ACADSB: variants seen among roughly 807,000 people sequenced by gnomAD.
ACADSB encodes the protein acyl-CoA dehydrogenase short/branched chain.
In ACADSB, 40 loss-of-function variants were observed where a neutral mutation model predicts 54.1. That is an observed-to-expected ratio of 0.74 (90% CI 0.57 to 0.96). ACADSB has a LOEUF of 0.96. Among genes scored for constraint, ACADSB ranks in the 40% least tolerant of loss-of-function variants. The pLI, the probability that ACADSB is intolerant of heterozygous loss-of-function variation, is 0.00. For missense variants in ACADSB, 530 were observed against 510.4 expected (o/e 1.04, Z -0.37); for synonymous variants, 182 against 182.8 (o/e 1.00, Z 0.03).
intron 10 of ACADSB, among the ~76,000 whole-genome samples, 165 bp from the exon 11 acceptor site, chr10:123,053,530 T>C (rs1171642408): frequency 1.3e-5 from 2 of 152,190 alleles, no homozygotes; most frequent in East Asian, 3.8e-4. Flanking sequence ...AAAATTGTCA[T>C]CTCTTAGTCA....
intron 1 of ACADSB, among the ~76,000 whole-genome samples, chr10:123,023,122 T>C (rs1190826805): frequency 6.6e-6 from 1 of 152,206 alleles, no homozygotes; most frequent in African/African-American, 2.4e-5. Context: ...GCTAACAACA[T>C]TAAATTACTC....
chr10:123,038,380 G>T (rs920854594), intron 3 of ACADSB, among the ~76,000 whole-genome samples: 51 of 152,156 alleles, frequency 3.4e-4, no homozygotes, highest in Non-Finnish European at 3.2e-4. Flanking sequence ...GGTGATACAT[G>T]AATTCCACAT....
chr10:123,024,111 A>G (rs771844604), intron 1 of ACADSB, among the ~76,000 whole-genome samples: 6 of 152,224 alleles, frequency 3.9e-5, no homozygotes, highest in Non-Finnish European at 7.3e-5. Context: ...TAGCATCCTC[A>G]TAATTTGATA....
intron 1 of ACADSB, among the ~76,000 whole-genome samples, chr10:123,019,351 A>T (rs1850146928): frequency 6.6e-6 from 1 of 152,264 alleles, no homozygotes; most frequent in Non-Finnish European, 1.5e-5. Context: ...CTTTGGGAAT[A>T]GAGCATTGCC....
chr10:123,015,282 A>G (rs1388164656), intron 1 of ACADSB, among the ~76,000 whole-genome samples: 1 of 152,268 alleles, frequency 6.6e-6, no homozygotes, highest in Admixed American at 6.5e-5. Context: ...CTCCCTGGCA[A>G]CCATCAAAGA....
intron 3 of ACADSB, among the ~76,000 whole-genome samples, chr10:123,039,967 TTC>T (rs1161107595): frequency 6.6e-6 from 1 of 152,184 alleles, no homozygotes; most frequent in African/African-American, 2.4e-5. Context: ...AATATACAGT[TTC>T]TGTTACAGAT....
intron 2 of ACADSB, among the ~76,000 whole-genome samples, chr10:123,037,071 A>G (rs1351455276): frequency 1.3e-5 from 2 of 152,258 alleles, no homozygotes; most frequent in East Asian, 1.9e-4. Context: ...GACATTTAGC[A>G]ACATTTAGAG....
At chr10:123,009,102 G>C in intron 1 of ACADSB, 31 bp downstream of exon 1, 1 of 1,542,070 alleles carries the variant, frequency 6.5e-7, no homozygotes, top group Non-Finnish European at 8.7e-7. Flanking sequence ...CGTCCTGGGG[G>C]CCCAGGGCGA....
intron 1 of ACADSB, among the ~76,000 whole-genome samples, chr10:123,025,529 A>C (rs1850240278): frequency 6.6e-6 from 1 of 152,182 alleles, no homozygotes; most frequent in African/African-American, 2.4e-5. Context: ...CCAAAACTAT[A>C]AGCGAAGTCA....
chr10:123,045,146 TATATATATATATATATA>T (rs1850536641), intron 7 of ACADSB, among the ~76,000 whole-genome samples: 1 of 14,452 alleles, frequency 6.9e-5, no homozygotes, highest in African/African-American at 2.7e-4. Context: ...TATATATATA[TATATATATATATATATA>T]TATATATATT....
intron 1 of ACADSB, among the ~76,000 whole-genome samples, chr10:123,013,669 C>G (rs1211371902): frequency 3.3e-5 from 5 of 152,240 alleles, no homozygotes; most frequent in Admixed American, 2.6e-4. Context: ...CAGCTAAGGC[C>G]TGGCTAGAAA....
At chr10:123,014,819 C>T (rs752548177) in intron 1 of ACADSB, among the ~76,000 whole-genome samples, 7 of 152,164 alleles carry the variant, frequency 4.6e-5, no homozygotes, top group Non-Finnish European at 8.8e-5. Context: ...GGTGCGGATT[C>T]CAGGGCAAGG....
chr10:123,045,155 A>ATGTTTTTTTTTT (rs1850539204), intron 7 of ACADSB, among the ~76,000 whole-genome samples: 1 of 11,060 alleles, frequency 9.0e-5, no homozygotes, highest in Non-Finnish European at 2.0e-4. Flanking sequence ...ATATATATAT[A>ATGTTTTTTTTTT]TATATATATA....
chr10:123,040,348 C>CA (rs990078373), intron 3 of ACADSB, 118 bp from the exon 4 acceptor site: 308 of 862,626 alleles, frequency 3.6e-4, no homozygotes, highest in Middle Eastern at 7.0e-4. Context: ...AAGACTGTCT[C>CA]AAAAAAAAAA....
rs200524410 is a variant in ACADSB at position 123,053,750 on chromosome 10, C to A, written c.1284C>A (p.Ile428=). ...NIQLNTIAKH[I]DAEY ...AGTTGAACACCATTGCAAAGCATATCGATGCAGAATACTGACGTCTATAGG... is the reference window on the plus strand; with the variant it reads ...AGTTGAACACCATTGCAAAGCATATAGATGCAGAATACTGACGTCTATAGG... Residue 428 remains isoleucine, a synonymous_variant, in exon 11 of 11, where the codon ATC becomes ATA. Coordinates refer to ENST00000358776, the MANE Select transcript of ACADSB (RefSeq NM_001609.4). 1.2e-6 allele frequency: 2 copies of A among 1,613,798 alleles called. No individual in the cohort carries two copies. Among genetic ancestry groups the A allele is most frequent in the South Asian group, 1.1e-5 (1 of 91,070 alleles).
Position 123,037,639 on chromosome 10 carries a change from G to A in ACADSB, c.203-108G>A, listed in dbSNP as rs1850417047. ...AAATTCTATTTTAAAAATATAAGAA[G>A]GGTACCTGTGTATATTTTAACTTAG... On this transcript the variant is annotated intron_variant, in intron 2 of 10. Coordinates refer to ENST00000358776, the MANE Select transcript of ACADSB (RefSeq NM_001609.4). 2.8e-6 allele frequency: 2 copies of A among 712,760 alleles called. 1 individual carries two copies. Among genetic ancestry groups the A allele is most frequent in the South Asian group, 3.5e-5 (2 of 56,526 alleles). 44.2% of individuals were successfully genotyped at this position (712,760 alleles called of 1,614,324 possible).
At chr10:123,038,730 C>T (rs181701654) in intron 3 of ACADSB, among the ~76,000 whole-genome samples, 1 of 152,200 alleles carries the variant, frequency 6.6e-6, no homozygotes, top group East Asian at 1.9e-4. Flanking sequence ...TTTAAAGCAA[C>T]CAGCTTTTTT....
Position 123,054,701 on chromosome 10 carries a change from A to AT in ACADSB, c.*940dup, listed in dbSNP as rs1850681966. ...TATAATTAACCTGTATAAAAGATACATTTTATGGTGGTTTCAGTAGGTCAT... is the reference window on the plus strand; with the variant it reads ...TATAATTAACCTGTATAAAAGATACATTTTTATGGTGGTTTCAGTAGGTCAT... On this transcript the variant is annotated 3_prime_UTR_variant, in exon 11 of 11. Transcript: ENST00000358776. 1 of 152,208 alleles carries AT rather than the reference A, an allele frequency of 6.6e-6. No individual in the cohort carries two copies. Among genetic ancestry groups the AT allele is most frequent in the South Asian group, 2.1e-4 (1 of 4,834 alleles). 9.4% of individuals were successfully genotyped at this position (152,208 alleles called of 1,614,324 possible).
chr10:123,014,251 C>T (rs1356546553), intron 1 of ACADSB, among the ~76,000 whole-genome samples: 1 of 152,184 alleles, frequency 6.6e-6, no homozygotes, highest in Non-Finnish European at 1.5e-5. Flanking sequence ...GAACAGCTGA[C>T]TCATAATAAA....
Sources: allele counts gnomAD v4.1 joint callset (sites outside exome capture counted in the v4.1 genomes callset), GRCh38; gene constraint gnomAD v4.1.1; transcripts MANE v1.5; gene names NCBI Gene and HGNC (gene_info 2026-07-23, HGNC 2026-07-21).